EIF1: variants seen among roughly 807,000 people sequenced by gnomAD.
The protein encoded by EIF1 is protein translation factor SUI1 homolog.
Under a neutral mutation model 13.7 loss-of-function variants are expected in EIF1, and 4 were observed. The observed-to-expected ratio is 0.29, with a 90% CI of 0.14 to 0.67. The LOEUF is 0.67. Ranked by LOEUF, EIF1 falls within the 30% of genes least tolerant of loss-of-function variation. The pLI, the probability that EIF1 is intolerant of heterozygous loss-of-function variation, is 0.77. For synonymous variants in EIF1, 67 were observed against 50.7 expected, an observed-to-expected ratio of 1.32 and a Z score of -1.37; for missense variants, 64 against 138.0, an observed-to-expected ratio of 0.46 and a Z score of 2.69.
At chr17:41,690,705 A>G in intron 3 of EIF1, 77 bp from the exon 4 acceptor site, 2 of 1,525,814 alleles carry the variant, frequency 1.3e-6, no homozygotes, top group Non-Finnish European at 9.1e-7. Context: ...GCAGGAAGAC[A>G]GGGTTGTTGC....
Position 41,690,774 on chromosome 17 carries a change from C to G in EIF1, c.298-8C>G, listed in dbSNP as rs201846948. The G allele has an allele frequency of 2.7e-5, 43 of 1,613,732 alleles. No homozygotes were observed. The highest frequency in any genetic ancestry group is 8.5e-6 in the Non-Finnish European group (10 of 1,179,850). On this transcript the variant is annotated splice_region_variant and splice_polypyrimidine_tract_variant and intron_variant, in intron 3 of 3. Transcript: ENST00000469257. Reference sequence around the variant, plus strand: ...CCCATTTAAAACTTTGCCCTTTTGTCTTTTCAGATTGGACTGGCTAAGGAC... The same window carrying G: ...CCCATTTAAAACTTTGCCCTTTTGTGTTTTCAGATTGGACTGGCTAAGGAC...
Position 41,689,077 on chromosome 17 carries a change from A to G in EIF1, c.31+8A>G, listed in dbSNP as rs369767111. On this transcript the variant is annotated splice_region_variant and intron_variant, in intron 1 of 3. Coordinates refer to ENST00000469257, the MANE Select transcript of EIF1 (RefSeq NM_005801.4). The stretch of plus-strand genomic sequence containing the variant: ...AGAACCTCCACTCTTTCGGTAAGCT[A>G]TGGGAAAGGTCGCGGGCCCGGGTGG... The G allele has an allele frequency of 1.2e-6, 2 of 1,613,414 alleles. No individual in the cohort carries two copies. The highest frequency in any genetic ancestry group is 1.3e-5 in the African/African-American group (1 of 74,906).
chr17:41,690,453 GGTT>G (rs769883305), intron 3 of EIF1: 59 of 549,322 alleles, frequency 1.1e-4, no homozygotes, highest in Non-Finnish European at 1.7e-4. Context: ...CCAAATGCTG[GGTT>G]GTTCCTGTAT....
chr17:41,690,704 C>T, intron 3 of EIF1, 78 bp from the exon 4 acceptor site: 1 of 1,524,108 alleles, frequency 6.6e-7, no homozygotes, highest in Non-Finnish European at 9.1e-7. Flanking sequence ...AGCAGGAAGA[C>T]AGGGTTGTTG....
chr17:41,690,064 A>AT, intron 2 of EIF1, 24 bp from the exon 3 acceptor site: 2 of 1,613,160 alleles, frequency 1.2e-6, no homozygotes, highest in Non-Finnish European at 1.7e-6. Flanking sequence ...GCTAGGCCTA[A>AT]TTCGTTTTCC....
In EIF1 at chr17:41,689,191, C is replaced by T. The variant is rs985757361; in HGVS notation, c.31+122C>T. 4.0e-5 allele frequency: 48 copies of T among 1,194,570 alleles called. No individual in the cohort carries two copies. The South Asian group carries it at 4.7e-4, about 12-fold the overall frequency. 74.0% of individuals were successfully genotyped at this position (1,194,570 alleles called of 1,614,324 possible). A position where few individuals can be genotyped will look rare whatever the true frequency, so the allele number is the denominator to read the frequency against. On this transcript the variant is annotated intron_variant, in intron 1 of 3. Coordinates refer to ENST00000469257, the MANE Select transcript of EIF1 (RefSeq NM_005801.4). The stretch of plus-strand genomic sequence containing the variant: ...GTAAGCTCGGGCAGGGGAAACTTGA[C>T]CAGGGTCGCAGGGCAGCGGGATCAA...
In EIF1 at chr17:41,688,926, C is replaced by G. The variant is rs560409448; in HGVS notation, c.-113C>G. ...CGCCGCCGAGGATTCAGCAGCCTCC[C>G]CCTTGAGCCCCCTCGCTTCCCGACG... On this transcript the variant is annotated 5_prime_UTR_variant, in exon 1 of 4. Coordinates refer to ENST00000469257, the MANE Select transcript of EIF1 (RefSeq NM_005801.4). 17 of 1,088,040 alleles carry G rather than the reference C, an allele frequency of 1.6e-5. No individual in the cohort carries two copies. In the East Asian group the frequency reaches 3.5e-4, roughly 22 times the overall value. The allele number at this position is 1,088,040 out of a possible 1,614,324, so 67.4% of individuals were successfully genotyped here.
At position 41,690,131 on chromosome 17, in the gene EIF1, G is replaced by T; in HGVS notation, c.239G>T (p.Gly80Val). 6.2e-7 allele frequency: 1 copy of T among 1,614,172 alleles called. No individual in the cohort carries two copies. Among genetic ancestry groups the T allele is most frequent in the South Asian group, 1.1e-5 (1 of 91,074 alleles). ...ACTGTAATTGAGCATCCGGAATATG[G>T]AGAAGTAATTCAGCTACAGGGTGAC... ...NGTVIEHPEY[G>V]EVIQLQGDQR... Residue 80 changes from glycine to valine, a missense_variant, in exon 3 of 4, where the codon GGA (glycine) becomes GTA (valine). Gly to Val is a moderately radical substitution (Grantham distance 109). Coordinates refer to ENST00000469257, the MANE Select transcript of EIF1 (RefSeq NM_005801.4).
intron 1 of EIF1, chr17:41,689,272 C>T: frequency 1.6e-6 from 1 of 638,444 alleles, no homozygotes; most frequent in Non-Finnish European, 2.7e-6. Flanking sequence ...GGCGGTAGGT[C>T]AGCCCTTGGG....
intron 1 of EIF1, 74 bp downstream of exon 1, chr17:41,689,143 G>C: frequency 6.5e-7 from 1 of 1,542,716 alleles, no homozygotes. Context: ...GTTCCGGGAA[G>C]TTGCCAAGCG....
Position 41,692,311 on chromosome 17 carries a change from T to C in EIF1, c.*1485T>C, listed in dbSNP as rs1209375161. The C allele has an allele frequency of 3.3e-5, 5 of 152,196 alleles. No individual in the cohort carries two copies. Among genetic ancestry groups the C allele is most frequent in the African/African-American group, 1.2e-4 (5 of 41,442 alleles). 9.4% of individuals were successfully genotyped at this position (152,196 alleles called of 1,614,324 possible). ...CTAGGAATGTGTATACTCTGGGTAG[T>C]AAGTTTGTAGTATTAGAAGGTTTAA... On this transcript the variant is annotated 3_prime_UTR_variant, in exon 4 of 4. Transcript: ENST00000469257.
chr17:41,690,268 T>C (rs759650121), intron 3 of EIF1, 79 bp downstream of exon 3: 8 of 1,315,834 alleles, frequency 6.1e-6, no homozygotes, highest in Non-Finnish European at 8.6e-6. Flanking sequence ...GCTGGGGACA[T>C]AAAAGTTGGC....
intron 1 of EIF1, 138 bp downstream of exon 1, chr17:41,689,207 G>A (rs1363289501): frequency 3.9e-6 from 4 of 1,016,980 alleles, no homozygotes; most frequent in African/African-American, 3.2e-5. Context: ...TCGCAGGGCA[G>A]CGGGATCAAG....
intron 1 of EIF1, chr17:41,689,370 T>A (rs1325185435): frequency 3.7e-6 from 2 of 545,250 alleles, no homozygotes; most frequent in Admixed American, 7.0e-5. Context: ...TTGCGTCACG[T>A]CCGTTACGTC....
At chr17:41,689,360 T>C in intron 1 of EIF1, 1 of 552,552 alleles carries the variant, frequency 1.8e-6, no homozygotes, top group Non-Finnish European at 3.2e-6. Flanking sequence ...CCCGTCACCA[T>C]TGCGTCACGT....
intron 1 of EIF1, chr17:41,689,399 TC>T (rs1294459286): frequency 7.7e-6 from 4 of 518,904 alleles, no homozygotes; most frequent in Non-Finnish European, 1.4e-5. Flanking sequence ...TTGTCACGGA[TC>T]CGGAGGGAAA....
chr17:41,688,934 C>G lies in EIF1; in HGVS notation c.-105C>G, dbSNP rs527750929. The G allele has an allele frequency of 8.4e-7, 1 of 1,187,966 alleles. No individual in the cohort carries two copies. Among genetic ancestry groups the G allele is most frequent in the South Asian group, 1.3e-5 (1 of 78,190 alleles). The allele number at this position is 1,187,966 out of a possible 1,614,324, so 73.6% of individuals were successfully genotyped here. A position where few individuals can be genotyped will look rare whatever the true frequency, so the allele number is the denominator to read the frequency against. On this transcript the variant is annotated 5_prime_UTR_variant, in exon 1 of 4. Transcript: ENST00000469257. Reference sequence around the variant, plus strand: ...AGGATTCAGCAGCCTCCCCCTTGAGCCCCCTCGCTTCCCGACGTTCCGTTC... The same window carrying G: ...AGGATTCAGCAGCCTCCCCCTTGAGGCCCCTCGCTTCCCGACGTTCCGTTC...
chr17:41,689,952 A>G lies in EIF1; in HGVS notation c.195+11A>G, dbSNP rs1910323996. 6.2e-7 allele frequency: 1 copy of G among 1,609,816 alleles called. No homozygotes were observed. Among genetic ancestry groups the G allele is most frequent in the Admixed American group, 1.7e-5 (1 of 59,262 alleles). On this transcript the variant is annotated intron_variant, in intron 2 of 3. Transcript: ENST00000469257. ...AAGGCGTTTAAGAAAGTAGGTCTTC[A>G]GTGAGATTTTGGGAAAGTCATAATG...
Position 41,688,904 on chromosome 17 carries a change from C to A in EIF1, c.-135C>A. 1.2e-6 allele frequency: 1 copy of A among 852,728 alleles called. No individual in the cohort carries two copies. The allele number at this position is 852,728 out of a possible 1,614,324, so 52.8% of individuals were successfully genotyped here. A position where few individuals can be genotyped will look rare whatever the true frequency, so the allele number is the denominator to read the frequency against. On this transcript the variant is annotated 5_prime_UTR_variant, in exon 1 of 4. Transcript: ENST00000469257. The stretch of plus-strand genomic sequence containing the variant: ...CCCTCTGCCCCAGTCACTGAGCCGC[C>A]GCCGAGGATTCAGCAGCCTCCCCCT...
Sources: allele counts gnomAD v4.1 joint callset, GRCh38; gene constraint gnomAD v4.1.1; transcripts MANE v1.5; gene names NCBI Gene and HGNC (gene_info 2026-07-23, HGNC 2026-07-21).